Variants in RORA observed in about 807,000 individuals in gnomAD.
RORA encodes RAR related orphan receptor A.
A neutral mutation model predicts 69.5 loss-of-function variants in RORA; 7 were observed. The observed-to-expected ratio is 0.10, with a 90% CI of 0.06 to 0.19. RORA has a LOEUF of 0.19. RORA is among the 10% of genes least tolerant of loss of function. RORA has a pLI of 1.00. For synonymous variants in RORA, 261 were observed against 240.8 expected, an observed-to-expected ratio of 1.08 and a Z score of -0.78; for missense variants, 457 against 663.0, an observed-to-expected ratio of 0.69 and a Z score of 3.41.
chr15:60,834,998 C>T (rs762571012), intron 1 of RORA, among the ~76,000 whole-genome samples: 3 of 151,968 alleles, frequency 2.0e-5, no homozygotes, highest in African/African-American at 7.3e-5. Context: ...GTTATGTTTC[C>T]TAGATATATT....
chr15:60,803,903 T>G (rs997944014), intron 1 of RORA, among the ~76,000 whole-genome samples: 1 of 152,152 alleles, frequency 6.6e-6, no homozygotes, highest in Admixed American at 6.5e-5. Context: ...AATTCTCCCC[T>G]TCTATCTCCA....
chr15:60,928,620 A>G (rs1485218380), intron 1 of RORA, among the ~76,000 whole-genome samples: 1 of 152,188 alleles, frequency 6.6e-6, no homozygotes, highest in Non-Finnish European at 1.5e-5. Context: ...TTAGAACTGA[A>G]AAAGACTCTG....
At chr15:60,698,397 C>T (rs1368407494) in intron 1 of RORA, among the ~76,000 whole-genome samples, 1 of 152,196 alleles carries the variant, frequency 6.6e-6, no homozygotes, top group Non-Finnish European at 1.5e-5. Context: ...TGTGAAAGCA[C>T]TCCAATATCT....
chr15:61,180,036 G>A (rs758894082), intron 1 of RORA, among the ~76,000 whole-genome samples: 11 of 149,282 alleles, frequency 7.4e-5, no homozygotes, highest in Non-Finnish European at 1.5e-4. Flanking sequence ...CCCAGCTACC[G>A]AGGAGGCTGT....
chr15:60,844,998 T>G (rs111283425), intron 1 of RORA, among the ~76,000 whole-genome samples: 4 of 151,866 alleles, frequency 2.6e-5, no homozygotes, highest in Non-Finnish European at 5.9e-5. Flanking sequence ...AAACCCACCC[T>G]TGTTTCAAAG....
At position 61,131,826 on chromosome 15, in the gene RORA, T is replaced by C. The variant is rs2079192747; in HGVS notation, c.166+97227A>G. 6.6e-6 allele frequency among the ~76,000 whole-genome samples: 1 copy of C among 152,332 alleles called. No individual in the cohort carries two copies. Among genetic ancestry groups the C allele is most frequent in the South Asian group, 2.1e-4 (1 of 4,820 alleles). On this transcript the variant is annotated intron_variant, in intron 1 of 10. Transcript: ENST00000335670. The surrounding 1 kb of genome is among the most constrained non-coding windows in gnomAD (Gnocchi z 4.2). ...GACTCCAGTTCTGCCACCAAACGGA[T>C]GTGTAACTCTAAGCAAGTCATTTCT...
chr15:60,908,373 C>T (rs1388006006), intron 1 of RORA, among the ~76,000 whole-genome samples: 2 of 152,144 alleles, frequency 1.3e-5, no homozygotes, highest in East Asian at 3.8e-4. Flanking sequence ...TGCAAATATC[C>T]AAGGCTCCTT....
At chr15:61,178,553 G>T (rs761524198) in intron 1 of RORA, among the ~76,000 whole-genome samples, 10 of 151,972 alleles carry the variant, frequency 6.6e-5, no homozygotes, top group Non-Finnish European at 1.2e-4. Context: ...TACTGGTAGT[G>T]CTGTGTCTAC....
intron 1 of RORA, among the ~76,000 whole-genome samples, chr15:61,174,875 C>G (rs1567022836): frequency 6.6e-6 from 1 of 152,094 alleles, no homozygotes; most frequent in East Asian, 1.9e-4. Context: ...GTGGTATTAC[C>G]ATCATTTTCT....
chr15:60,680,604 C>G (rs1206687452), intron 1 of RORA, among the ~76,000 whole-genome samples: 2 of 151,986 alleles, frequency 1.3e-5, no homozygotes, highest in African/African-American at 4.8e-5. Flanking sequence ...CTCTCGGTCC[C>G]TCAGTTTTGT....
intron 1 of RORA, among the ~76,000 whole-genome samples, chr15:61,007,711 T>C (rs909649466): frequency 2.0e-5 from 3 of 148,784 alleles, no homozygotes; most frequent in Non-Finnish European, 3.0e-5. Context: ...GCTAATGTTA[T>C]ATAGGCTAAT....
intron 2 of RORA, among the ~76,000 whole-genome samples, chr15:60,597,567 TATATATACAC>T (rs1225662449): frequency 8.5e-4 from 28 of 33,090 alleles, no homozygotes; most frequent in African/African-American, 1.3e-3. Context: ...TATATATATA[TATATATACAC>T]ATATATATAT....
chr15:61,130,027 T>C (rs2079177229), intron 1 of RORA, among the ~76,000 whole-genome samples: 1 of 152,058 alleles, frequency 6.6e-6, no homozygotes, highest in Non-Finnish European at 1.5e-5. Flanking sequence ...CCTGATAGTG[T>C]CTCCTTTCCT....
rs574957649 is a variant in RORA, at chr15:60,978,157, GATC to G, written c.166+250893_166+250895del. Among the ~76,000 whole-genome samples the G allele has an allele frequency of 5.7e-3, 859 of 151,428 alleles. 12 individuals are homozygous for G. Among genetic ancestry groups the G allele is most frequent in the African/African-American group, 0.02 (819 of 41,244 alleles). On this transcript the variant is annotated intron_variant, in intron 1 of 10. Coordinates refer to ENST00000335670, the MANE Select transcript of RORA (RefSeq NM_134261.3). ...TCATCATCATCATCATCATCATCAA[GATC>G]ATCAACATCATCATCATCACAATCA...
intron 1 of RORA, among the ~76,000 whole-genome samples, chr15:60,994,470 C>T (rs1416814931): frequency 1.3e-5 from 2 of 152,188 alleles, no homozygotes; most frequent in Admixed American, 1.3e-4. Context: ...CTCCCTTCTC[C>T]TTTGACTACC....
At position 60,511,473 on chromosome 15, in the gene RORA, G is replaced by A. The variant is rs150805444; in HGVS notation, c.573C>T (p.Asn191=). 2.2e-4 allele frequency: 350 copies of A among 1,614,182 alleles called. 1 individual carries two copies. The highest frequency in any genetic ancestry group is 2.7e-4 in the Non-Finnish European group (321 of 1,180,028). ...GGTCGTCGTGAAGTTCCGTCAGCCC[G>A]TTGGCCGAGATGTTGTAGGTGGGCG... ...PLTPTYNISA[N]GLTELHDDLS... is the part of the protein sequence containing the mutation. The change falls in exon 5 of 11, where the codon AAC becomes AAT. Residue 191 remains asparagine, a synonymous_variant. Transcript: ENST00000335670. This position sits in a 1 kb window ranked among gnomAD's most constrained non-coding sequence, Gnocchi z 6.4.
At chr15:60,573,234 A>G (rs1486539795) in intron 2 of RORA, among the ~76,000 whole-genome samples, 1 of 152,200 alleles carries the variant, frequency 6.6e-6, no homozygotes, top group African/African-American at 2.4e-5. Context: ...CGTTAAGCCA[A>G]AACACTACTG....
At chr15:60,741,965 C>T (rs1305647727) in intron 1 of RORA, among the ~76,000 whole-genome samples, 4 of 152,172 alleles carry the variant, frequency 2.6e-5, no homozygotes, top group African/African-American at 9.7e-5. Flanking sequence ...CGAGTTCCTT[C>T]CCTCTCCACT....
chr15:60,881,614 A>AAG (rs10549221), intron 1 of RORA, among the ~76,000 whole-genome samples: 32 of 150,984 alleles, frequency 2.1e-4, no homozygotes, highest in East Asian at 5.8e-4. Flanking sequence ...AAAAAACAAG[A>AAG]AGAGAGAGAG....
Sources: allele counts gnomAD v4.1 joint callset (sites outside exome capture counted in the v4.1 genomes callset), GRCh38; gene constraint gnomAD v4.1.1; non-coding constraint Gnocchi (gnomAD v3.1); transcripts MANE v1.5; gene names NCBI Gene and HGNC (gene_info 2026-07-23, HGNC 2026-07-21).